ARHGAP23: variants seen among roughly 807,000 people sequenced by gnomAD.
ARHGAP23 encodes the protein Rho GTPase activating protein 23.
Under a neutral mutation model 136.3 loss-of-function variants are expected in ARHGAP23, and 34 were observed. That is an observed-to-expected ratio of 0.25 (90% CI 0.19 to 0.33). The LOEUF (loss-of-function observed/expected upper bound fraction) is 0.33. Among genes scored for constraint, ARHGAP23 ranks in the 10% least tolerant of loss-of-function variants. ARHGAP23 has a pLI of 1.00. For synonymous variants in ARHGAP23, 832 were observed against 920.5 expected (o/e 0.90, Z 1.74); for missense variants, 1,808 against 2,139.0 (o/e 0.85, Z 3.05).
chr17:38,510,226 C>G lies in ARHGAP23; in HGVS notation c.3730C>G (p.Arg1244Gly). 7.3e-7 allele frequency: 1 copy of G among 1,378,040 alleles called. No individual in the cohort carries two copies. The highest frequency in any genetic ancestry group is 1.5e-5 in the African/African-American group (1 of 66,616). The allele number at this position is 1,378,040 out of a possible 1,614,324, so 85.4% of individuals were successfully genotyped here. A position where few individuals can be genotyped will look rare whatever the true frequency, so the allele number is the denominator to read the frequency against. ...GGAGGAGCGGCCGGCCGCGGACACG[C>G]GCTCCATTGTGTCGGGCTACTCCAC... The part of the protein sequence containing the change: ...APEERPAADT[R>G]SIVSGYSTLS... Residue 1244 changes from arginine to glycine, a missense_variant, in exon 24 of 24, where the codon CGC becomes GGC. Transcript: ENST00000622683. The surrounding 1 kb of genome is among the most constrained non-coding windows in gnomAD (Gnocchi z 4.6).
chr17:38,458,923 C>T (rs2039394672), intron 2 of ARHGAP23, among the ~76,000 whole-genome samples: 1 of 152,206 alleles, frequency 6.6e-6, no homozygotes, highest in Admixed American at 6.5e-5. Flanking sequence ...AGAGTCCCTC[C>T]TGCCCTAATG....
rs2040773650 is a variant in ARHGAP23, at chr17:38,511,947, G to A, written c.*975G>A. The A allele has an allele frequency of 6.6e-6, 1 of 152,180 alleles. No individual in the cohort carries two copies. Among genetic ancestry groups the A allele is most frequent in the African/African-American group, 2.4e-5 (1 of 41,406 alleles). The allele number at this position is 152,180 out of a possible 1,614,324, so 9.4% of individuals were successfully genotyped here. On this transcript the variant is annotated 3_prime_UTR_variant, in exon 24 of 24. Coordinates refer to ENST00000622683, the MANE Select transcript of ARHGAP23 (RefSeq NM_001199417.2). ...TGAGCTGGGCTGTTCCTGCAGGATG[G>A]ACAGGACCCAGCGCCCTCTTCTCCC...
At chr17:38,476,194 C>A (rs2039887898) in intron 11 of ARHGAP23, among the ~76,000 whole-genome samples, 2 of 152,240 alleles carry the variant, frequency 1.3e-5, no homozygotes, top group African/African-American at 4.8e-5. Context: ...CTAACATGAT[C>A]GCTGCAGCTG....
chr17:38,486,079 T>C lies in ARHGAP23; in HGVS notation c.2925T>C (p.Asn975=), dbSNP rs568874449. The C allele has an allele frequency of 1.1e-4, 174 of 1,551,308 alleles. No homozygotes were observed. The highest frequency in any genetic ancestry group is 1.4e-4 in the Non-Finnish European group (165 of 1,146,794). Residue 975 remains asparagine, a synonymous_variant, in exon 17 of 24, where the codon AAT becomes AAC. Transcript: ENST00000622683. The part of the protein sequence containing the change: ...NLQDERWQDL[N]VISSLLKSFF... ...TCCCCCAGCGCTGGCAAGACCTCAA[T>C]GTGATCAGCAGCCTGCTCAAGTCCT...
chr17:38,476,837 C>T (rs2039903666), intron 11 of ARHGAP23, among the ~76,000 whole-genome samples: 1 of 152,206 alleles, frequency 6.6e-6, no homozygotes, highest in African/African-American at 2.4e-5. Flanking sequence ...GCACACCCTC[C>T]AGCTCCCTCC....
At chr17:38,452,775 G>A (rs550130237) in intron 1 of ARHGAP23, among the ~76,000 whole-genome samples, 1 of 152,358 alleles carries the variant, frequency 6.6e-6, no homozygotes, top group Admixed American at 6.5e-5. Flanking sequence ...GGCCTGGGAA[G>A]AGCAAGAGCC....
At chr17:38,464,577 A>T (rs1330589083) in intron 6 of ARHGAP23, among the ~76,000 whole-genome samples, 8 of 152,040 alleles carry the variant, frequency 5.3e-5, no homozygotes, top group African/African-American at 1.9e-4. Flanking sequence ...CTTCCTGGGG[A>T]GAGGGAGGAA....
chr17:38,495,203 C>T (rs932191604), intron 20 of ARHGAP23, among the ~76,000 whole-genome samples: 2 of 151,122 alleles, frequency 1.3e-5, no homozygotes, highest in African/African-American at 4.9e-5. Flanking sequence ...AGATGACTGA[C>T]TCCAGAGCTT....
intron 17 of ARHGAP23, among the ~76,000 whole-genome samples, chr17:38,488,267 CATT>C (rs995417075): frequency 1.5e-4 from 23 of 152,146 alleles, no homozygotes; most frequent in African/African-American, 5.5e-4. Context: ...AATGGTATCT[CATT>C]ATTGTTTTTA....
In ARHGAP23 at chr17:38,511,152, G is replaced by C. The variant is rs1321515723; in HGVS notation, c.*180G>C. 3.0e-6 allele frequency: 2 copies of C among 660,802 alleles called. No individual in the cohort carries two copies. The highest frequency in any genetic ancestry group is 8.5e-5 in the Admixed American group (2 of 23,488). 40.9% of individuals were successfully genotyped at this position (660,802 alleles called of 1,614,324 possible). A position where few individuals can be genotyped will look rare whatever the true frequency, so the allele number is the denominator to read the frequency against. On this transcript the variant is annotated 3_prime_UTR_variant, in exon 24 of 24. Coordinates refer to ENST00000622683, the MANE Select transcript of ARHGAP23 (RefSeq NM_001199417.2). ...CTGGCAGGGCAGAGGAGAAGGCTGGGGCCGGACTAATTGAATGGAAGGGGG... is the reference window on the plus strand; with the variant it reads ...CTGGCAGGGCAGAGGAGAAGGCTGGCGCCGGACTAATTGAATGGAAGGGGG...
chr17:38,428,295 C>T (rs558155679), upstream of ARHGAP23: 32 of 255,196 alleles, frequency 1.3e-4, no homozygotes, highest in East Asian at 2.2e-3. Context: ...GGTCTGTGGC[C>T]CTTGAGCGAG....
Position 38,510,873 on chromosome 17 carries a change from G to T in ARHGAP23, c.4377G>T (p.Ser1459=), listed in dbSNP as rs2040748720. 6.7e-7 allele frequency: 1 copy of T among 1,497,366 alleles called. No homozygotes were observed. Among genetic ancestry groups the T allele is most frequent in the Non-Finnish European group, 8.8e-7 (1 of 1,131,126 alleles). 92.8% of individuals were successfully genotyped at this position (1,497,366 alleles called of 1,614,324 possible). ...AGTCCACCAAGGCGCGGGCCCCGTC[G>T]TCCGCTGCCTCGCAGCCGCCCGCGC... ...SLESTKARAP[S]SAASQPPAPG... Residue 1459 remains serine, a synonymous_variant, in exon 24 of 24, where the codon TCG becomes TCT. Transcript: ENST00000622683. This position sits in a 1 kb window ranked among gnomAD's most constrained non-coding sequence, Gnocchi z 4.6.
chr17:38,505,664 C>T (rs1042721078), intron 23 of ARHGAP23, among the ~76,000 whole-genome samples: 49 of 152,328 alleles, frequency 3.2e-4, no homozygotes, highest in African/African-American at 1.2e-3. Context: ...CATGGTGGCT[C>T]ATGCCTGTAA....
intron 14 of ARHGAP23, among the ~76,000 whole-genome samples, chr17:38,480,344 A>C (rs1005745268): frequency 2.0e-5 from 3 of 152,048 alleles, no homozygotes; most frequent in Non-Finnish European, 2.9e-5. Flanking sequence ...TCTACTAAAA[A>C]TACAAAAGGC....
chr17:38,447,302 C>T (rs529333905), intron 1 of ARHGAP23, among the ~76,000 whole-genome samples: 17 of 151,728 alleles, frequency 1.1e-4, no homozygotes, highest in South Asian at 4.2e-4. Context: ...TTTAGCCGGG[C>T]GTGGTGGCAC....
intron 20 of ARHGAP23, among the ~76,000 whole-genome samples, chr17:38,495,744 C>T (rs777087416): frequency 1.4e-4 from 21 of 152,134 alleles, no homozygotes; most frequent in Non-Finnish European, 2.8e-4. Context: ...TGTGTCCTTC[C>T]AGGACACCTT....
chr17:38,499,910 G>T (rs1347259019), intron 22 of ARHGAP23, among the ~76,000 whole-genome samples: 1 of 152,110 alleles, frequency 6.6e-6, no homozygotes, highest in Non-Finnish European at 1.5e-5. Flanking sequence ...TATTAAGGGA[G>T]TGGGACCCAA....
intron 2 of ARHGAP23, 117 bp downstream of exon 2, chr17:38,458,380 G>T (rs1050134788): frequency 1.0e-5 from 14 of 1,345,046 alleles, no homozygotes; most frequent in Non-Finnish European, 1.2e-5. Flanking sequence ...TCCTTCCTGG[G>T]GTCCGGCCTG....
At chr17:38,462,793 A>G in intron 3 of ARHGAP23, 53 bp from the exon 4 acceptor site, 1 of 1,281,364 alleles carries the variant, frequency 7.8e-7, no homozygotes, top group South Asian at 1.5e-5. Flanking sequence ...GTAGCTGTGC[A>G]TGGGTGTGAC....
Sources: allele counts gnomAD v4.1 joint callset (sites outside exome capture counted in the v4.1 genomes callset), GRCh38; gene constraint gnomAD v4.1.1; non-coding constraint Gnocchi (gnomAD v3.1); transcripts MANE v1.5; gene names NCBI Gene and HGNC (gene_info 2026-07-23, HGNC 2026-07-21).